NCALD: variants seen among roughly 807,000 people sequenced by gnomAD.
NCALD encodes neurocalcin-delta.
NCALD carries 10 observed loss-of-function variants against 18.6 expected under a neutral mutation model. That is an observed-to-expected ratio of 0.54 (90% CI 0.33 to 0.91). The LOEUF (loss-of-function observed/expected upper bound fraction) is 0.91, where lower values mean the gene tolerates loss of function less well. Among genes scored for constraint, NCALD ranks in the 40% least tolerant of loss-of-function variants. The pLI, the probability that NCALD is intolerant of heterozygous loss-of-function variation, is 0.03. For missense variants in NCALD, 184 were observed against 247.6 expected (o/e 0.74, Z 1.72); for synonymous variants, 88 against 87.4 (o/e 1.01, Z -0.04).
chr8:101,952,849 C>T (rs1056965139), intron 2 of NCALD, among the ~76,000 whole-genome samples: 1 of 152,000 alleles, frequency 6.6e-6, no homozygotes, highest in African/African-American at 2.4e-5. Flanking sequence ...GTTCTCTGCC[C>T]GGCTTGCCAA....
chr8:102,104,675 G>A (rs1825390369), intron 1 of NCALD, among the ~76,000 whole-genome samples: 1 of 152,078 alleles, frequency 6.6e-6, no homozygotes, highest in Non-Finnish European at 1.5e-5. Context: ...GTAGCGATGT[G>A]GGTTGTTTTT....
At chr8:101,938,333 C>T (rs548482336) in intron 2 of NCALD, among the ~76,000 whole-genome samples, 13 of 152,258 alleles carry the variant, frequency 8.5e-5, no homozygotes, top group African/African-American at 3.1e-4. Context: ...CTTATGAATA[C>T]ACTCTTATGC....
In NCALD at chr8:102,096,013, G is replaced by A. The variant is rs765305739; in HGVS notation, c.-210+28224C>T. Among the ~76,000 whole-genome samples, 40 of 152,168 alleles carry A rather than the reference G, an allele frequency of 2.6e-4. 1 individual carries two copies. The highest frequency in any genetic ancestry group is 5.1e-4 in the Non-Finnish European group (35 of 68,040). On this transcript the variant is annotated intron_variant, in intron 1 of 6. Coordinates refer to the NCALD transcript ENST00000311028. ...GCATCCCAGGAATCTCCCCAGGCCT[G>A]GGTAAACCTGAACATTTGTCCCCCT...
intron 1 of NCALD, among the ~76,000 whole-genome samples, chr8:102,026,069 G>C (rs1822443914): frequency 6.6e-6 from 1 of 152,090 alleles, no homozygotes; most frequent in Non-Finnish European, 1.5e-5. Context: ...CTGCATCAAT[G>C]ATTCAGTTGC....
At chr8:101,890,665 C>G (rs1188338936) in intron 3 of NCALD, among the ~76,000 whole-genome samples, 1 of 152,174 alleles carries the variant, frequency 6.6e-6, no homozygotes, top group Non-Finnish European at 1.5e-5. Flanking sequence ...CTCTTGGAAG[C>G]AGAGACTAGG....
Position 101,971,582 on chromosome 8 carries a change from T to G in NCALD, c.-157+48655A>C, listed in dbSNP as rs147167851. On this transcript the variant is annotated intron_variant, in intron 2 of 6. Transcript: ENST00000311028. ...TCATCTTCCACCATGACTGGAAGTT[T>G]CCTGAGGCCTCCCTGGCAACGTGGA... is the stretch of plus-strand genomic sequence containing the variant. Among the ~76,000 whole-genome samples, 1,462 of 152,198 alleles carry G rather than the reference T, an allele frequency of 9.6e-3. 19 individuals are homozygous for G. The highest frequency in any genetic ancestry group is 0.029 in the African/African-American group (1,219 of 41,532).
chr8:101,698,460 G>A (rs1244816697), intron 2 of NCALD, among the ~76,000 whole-genome samples: 1 of 152,150 alleles, frequency 6.6e-6, no homozygotes, highest in Non-Finnish European at 1.5e-5. Flanking sequence ...CCAAAGAAGA[G>A]CCTGTATAGC....
At chr8:102,081,197 A>G (rs2132332204) in intron 1 of NCALD, among the ~76,000 whole-genome samples, 1 of 152,320 alleles carries the variant, frequency 6.6e-6, no homozygotes, top group Non-Finnish European at 1.5e-5. Context: ...GTGAAAAACA[A>G]AAACGAAAAG....
Position 101,835,215 on chromosome 8 carries a change from A to C in NCALD, c.-20+51926T>G, listed in dbSNP as rs533912304. ...TTTCCATAGCTTCACAGCCCCGTGC[A>C]GTAAGTGCCACTTGGCTTTCTATCT... On this transcript the variant is annotated intron_variant, in intron 4 of 6. Coordinates refer to the NCALD transcript ENST00000311028. Among the ~76,000 whole-genome samples, 3 of 152,374 alleles carry C rather than the reference A, an allele frequency of 2.0e-5. No individual in the cohort carries two copies. In the South Asian group the frequency reaches 6.2e-4, roughly 32 times the overall value.
At chr8:101,945,267 T>C (rs1215488311) in intron 2 of NCALD, among the ~76,000 whole-genome samples, 1 of 152,072 alleles carries the variant, frequency 6.6e-6, no homozygotes, top group Non-Finnish European at 1.5e-5. Context: ...CATGCTAGGC[T>C]CTGGGGATAG....
chr8:101,690,629 C>T lies in NCALD; in HGVS notation c.485-1223G>A, dbSNP rs995901704. The T allele has an allele frequency of 2.6e-5, 26 of 985,446 alleles. No homozygotes were observed. In the Admixed American group the frequency reaches 3.7e-4, roughly 14 times the overall value. 61.0% of individuals were successfully genotyped at this position (985,446 alleles called of 1,614,324 possible). On this transcript the variant is annotated intron_variant, in intron 3 of 3. Coordinates refer to ENST00000220931, the MANE Select transcript of NCALD (RefSeq NM_032041.3). Reference sequence around the variant, plus strand: ...TTCTCCTCAGCCACAACTCCCTCCCCGCCAGAACCTAGTTCTTGTTTAATG... The same window carrying T: ...TTCTCCTCAGCCACAACTCCCTCCCTGCCAGAACCTAGTTCTTGTTTAATG...
intron 1 of NCALD, among the ~76,000 whole-genome samples, chr8:101,769,318 C>A (rs1182685022): frequency 2.0e-5 from 3 of 152,144 alleles, no homozygotes; most frequent in Non-Finnish European, 4.4e-5. Flanking sequence ...GTTCTATGCT[C>A]AATTTATTTA....
At chr8:102,109,976 C>A (rs1335428539) in intron 1 of NCALD, among the ~76,000 whole-genome samples, 1 of 152,162 alleles carries the variant, frequency 6.6e-6, no homozygotes, top group African/African-American at 2.4e-5. Flanking sequence ...CTTAACCCTA[C>A]GTCCCAAACA....
At chr8:102,050,634 CT>C (rs1823410024) in intron 1 of NCALD, among the ~76,000 whole-genome samples, 1 of 147,966 alleles carries the variant, frequency 6.8e-6, no homozygotes, top group Admixed American at 6.8e-5. Context: ...ATAGTATATA[CT>C]TTATATAGCA....
intron 4 of NCALD, among the ~76,000 whole-genome samples, chr8:101,877,016 A>T (rs1816254470): frequency 6.6e-6 from 1 of 152,180 alleles, no homozygotes; most frequent in Non-Finnish European, 1.5e-5. Context: ...CTCTCTGCTA[A>T]CCCACTCCCC....
At chr8:102,051,564 C>A (rs183611162) in intron 1 of NCALD, among the ~76,000 whole-genome samples, 1 of 152,316 alleles carries the variant, frequency 6.6e-6, no homozygotes, top group Non-Finnish European at 1.5e-5. Flanking sequence ...TAATTCTTTT[C>A]TTTCGTCAAC....
intron 1 of NCALD, among the ~76,000 whole-genome samples, chr8:102,112,412 G>A (rs2132455416): frequency 6.6e-6 from 1 of 152,256 alleles, no homozygotes; most frequent in Middle Eastern, 3.4e-3. Flanking sequence ...GAGAACAACA[G>A]ATTGCCTCCA....
chr8:101,825,641 A>C (rs1455661509), intron 4 of NCALD, among the ~76,000 whole-genome samples: 2 of 152,226 alleles, frequency 1.3e-5, no homozygotes, highest in African/African-American at 4.8e-5. Flanking sequence ...GCAGTAATTC[A>C]GTCGGGTTCA....
rs560575472 is a variant in NCALD, at chr8:101,721,505, C to T, written c.-19-1857G>A. Among the ~76,000 whole-genome samples, 62 of 152,278 alleles carry T rather than the reference C, an allele frequency of 4.1e-4. 2 individuals carry two copies. Among genetic ancestry groups the T allele is most frequent in the Admixed American group, 1.0e-3 (16 of 15,298 alleles). ...AAGCACGGGGGCTTGGTTTTCAGAA[C>T]GCTATTTTACACACTGAAAACTATC... On this transcript the variant is annotated intron_variant, in intron 1 of 3. Transcript: ENST00000220931.
Sources: gnomAD v4.1 joint callset for allele counts (sites outside exome capture counted in the v4.1 genomes callset) on GRCh38, gnomAD v4.1.1 for gene constraint, MANE v1.5 for transcripts, NCBI Gene and HGNC (gene_info 2026-07-23, HGNC 2026-07-21) for gene names.